The following XYLT1 variants were observed in gnomAD, a reference collection of about 807,000 sequenced individuals.
XYLT1 encodes the protein beta-D-xylosyltransferase 1.
Under a neutral mutation model 91.3 loss-of-function variants are expected in XYLT1, and 36 were observed. That is an observed-to-expected ratio of 0.39 (90% CI 0.30 to 0.52). XYLT1 has a LOEUF of 0.52. Ranked by LOEUF, XYLT1 falls within the 20% of genes least tolerant of loss-of-function variation. The pLI, the probability that XYLT1 is intolerant of heterozygous loss-of-function variation, is 0.68. For synonymous variants in XYLT1, 588 were observed against 532.0 expected (o/e 1.11, Z -1.45); for missense variants, 1,242 against 1,284.5 (o/e 0.97, Z 0.51).
intron 1 of XYLT1, among the ~76,000 whole-genome samples, chr16:17,428,280 G>C (rs1258580926): frequency 6.6e-6 from 1 of 152,220 alleles, no homozygotes; most frequent in Non-Finnish European, 1.5e-5. Flanking sequence ...CACTGCACCA[G>C]GACTGGAGTA....
At chr16:17,162,110 A>C (rs1207030745) in intron 5 of XYLT1, among the ~76,000 whole-genome samples, 1 of 152,140 alleles carries the variant, frequency 6.6e-6, no homozygotes, top group Non-Finnish European at 1.5e-5. Flanking sequence ...CAATGATGCT[A>C]AAAAATGTAA....
chr16:17,231,027 C>T (rs1309360817), intron 3 of XYLT1, among the ~76,000 whole-genome samples: 1 of 152,214 alleles, frequency 6.6e-6, no homozygotes, highest in African/African-American at 2.4e-5. Context: ...CACTTTGATG[C>T]TCTTGATCAT....
At chr16:17,153,905 C>T (rs537168321) in intron 6 of XYLT1, among the ~76,000 whole-genome samples, 2 of 152,270 alleles carry the variant, frequency 1.3e-5, no homozygotes, top group South Asian at 2.1e-4. Context: ...ACCTGCAGGT[C>T]CTCTCAAATG....
chr16:17,303,355 G>A (rs531265391), intron 2 of XYLT1, among the ~76,000 whole-genome samples: 13 of 152,312 alleles, frequency 8.5e-5, no homozygotes, highest in Admixed American at 8.5e-4. Flanking sequence ...GAACTGCTTA[G>A]CGGTGACAGA....
intron 2 of XYLT1, among the ~76,000 whole-genome samples, chr16:17,268,361 T>C (rs1296590379): frequency 6.6e-6 from 1 of 152,220 alleles, no homozygotes; most frequent in Non-Finnish European, 1.5e-5. Flanking sequence ...TTAATAAACA[T>C]TTTAAGAATG....
intron 3 of XYLT1, among the ~76,000 whole-genome samples, chr16:17,207,748 G>A (rs2032681508): frequency 6.6e-6 from 1 of 152,152 alleles, no homozygotes; most frequent in East Asian, 1.9e-4. Context: ...CACCGCAGCT[G>A]CTGCTCATGC....
At chr16:17,296,922 A>C (rs372813957) in intron 2 of XYLT1, among the ~76,000 whole-genome samples, 13 of 152,332 alleles carry the variant, frequency 8.5e-5, no homozygotes, top group African/African-American at 3.1e-4. Flanking sequence ...CCTTATCTGT[A>C]AAATGGAATC....
chr16:17,127,318 A>G (rs147040255), intron 10 of XYLT1, among the ~76,000 whole-genome samples: 31 of 152,336 alleles, frequency 2.0e-4, no homozygotes, highest in African/African-American at 7.2e-4. Context: ...CTTCCTAGCA[A>G]TCCAGAAAAT....
At chr16:17,357,225 C>T (rs923842765) in intron 2 of XYLT1, among the ~76,000 whole-genome samples, 12 of 145,718 alleles carry the variant, frequency 8.2e-5, no homozygotes, top group Non-Finnish European at 1.6e-4. Flanking sequence ...GCACTTAGCA[C>T]GTACCCCGGA....
At chr16:17,226,082 C>T (rs1180878346) in intron 3 of XYLT1, among the ~76,000 whole-genome samples, 3 of 152,284 alleles carry the variant, frequency 2.0e-5, no homozygotes, top group Admixed American at 6.5e-5. Flanking sequence ...ACGGCTTACA[C>T]TGAGAACTAT....
At chr16:17,189,808 A>G (rs2032268881) in intron 5 of XYLT1, among the ~76,000 whole-genome samples, 1 of 152,188 alleles carries the variant, frequency 6.6e-6, no homozygotes, top group Non-Finnish European at 1.5e-5. Context: ...GCACTTTGGG[A>G]GGCTGAGGTG....
chr16:17,359,153 A>G (rs1185604026), intron 1 of XYLT1, among the ~76,000 whole-genome samples: 1 of 152,186 alleles, frequency 6.6e-6, no homozygotes, highest in Non-Finnish European at 1.5e-5. Context: ...TCTGAACTTA[A>G]TCATCTTGGA....
intron 2 of XYLT1, among the ~76,000 whole-genome samples, chr16:17,267,116 G>A (rs2033818782): frequency 6.6e-6 from 1 of 152,186 alleles, no homozygotes. Context: ...GGGTGAGGCA[G>A]GAAGGAGTGA....
intron 2 of XYLT1, among the ~76,000 whole-genome samples, chr16:17,271,151 TTTTGTTTG>T (rs76240696): frequency 0.4 from 60,325 of 151,368 alleles, 13,903 homozygotes; most frequent in African/African-American, 0.64. Flanking sequence ...CCTAACTGTT[TTTTGTTTG>T]TTTGTTTGTT....
chr16:17,429,932 AT>A (rs34434695), intron 1 of XYLT1, among the ~76,000 whole-genome samples: 35,923 of 119,226 alleles, frequency 0.3, 4,735 homozygotes, highest in African/African-American at 0.38. Context: ...TCCCATAATA[AT>A]TTTTTTTTTT....
At chr16:17,449,652 C>T (rs73527459) in intron 1 of XYLT1, among the ~76,000 whole-genome samples, 1,768 of 152,278 alleles carry the variant, frequency 0.012, 47 homozygotes, top group African/African-American at 0.04. Context: ...AAATATAAAA[C>T]GCCTAACATG....
At chr16:17,339,099 T>C (rs1243230264) in intron 2 of XYLT1, among the ~76,000 whole-genome samples, 1 of 152,236 alleles carries the variant, frequency 6.6e-6, no homozygotes, top group Non-Finnish European at 1.5e-5. Context: ...ACCACTTGAC[T>C]CTGTGAGTAT....
At chr16:17,208,632 C>T (rs967828470) in intron 3 of XYLT1, among the ~76,000 whole-genome samples, 4 of 152,164 alleles carry the variant, frequency 2.6e-5, no homozygotes, top group African/African-American at 4.8e-5. Context: ...CCGCTTGTAG[C>T]ATTATGTGCC....
At chr16:17,121,548 G>GTTTA (rs533557780) in intron 10 of XYLT1, among the ~76,000 whole-genome samples, 1 of 152,084 alleles carries the variant, frequency 6.6e-6, no homozygotes, top group Admixed American at 6.6e-5. Flanking sequence ...TTTCCATTGC[G>GTTTA]TTTATTTATT....
Sources: allele counts gnomAD v4.1 joint callset (sites outside exome capture counted in the v4.1 genomes callset), GRCh38; gene constraint gnomAD v4.1.1; transcripts MANE v1.5; gene names NCBI Gene and HGNC (gene_info 2026-07-23, HGNC 2026-07-21).